Variants in MAPT observed in about 807,000 individuals in gnomAD.
MAPT encodes microtubule associated protein tau, also known as microtubule-associated protein tau.
A neutral mutation model predicts 67.9 loss-of-function variants in MAPT; 34 were observed. The ratio of observed to expected loss-of-function variants is 0.50; its 90% confidence interval spans 0.38 to 0.67. The LOEUF (loss-of-function observed/expected upper bound fraction) is 0.67, where lower values mean the gene tolerates loss of function less well. Ranked by LOEUF, MAPT falls within the 30% of genes least tolerant of loss-of-function variation. MAPT has a pLI of 0.00. For missense variants in MAPT, 881 were observed against 1,115.2 expected (o/e 0.79, Z 2.99); for synonymous variants, 456 against 464.5 (o/e 0.98, Z 0.23).
intron 2 of MAPT, among the ~76,000 whole-genome samples, chr17:45,969,660 CCATT>C (rs1194843441): frequency 7.2e-6 from 1 of 139,680 alleles, no homozygotes; most frequent in Non-Finnish European, 1.7e-5. Context: ...ATCCATCCAT[CCATT>C]CATCCATCCA....
intron 1 of MAPT, among the ~76,000 whole-genome samples, chr17:45,957,671 G>A (rs749630413): frequency 1.3e-5 from 2 of 152,224 alleles, no homozygotes; most frequent in Non-Finnish European, 2.9e-5. Flanking sequence ...AGACGTGGCC[G>A]TGGCAAGAAG....
chr17:45,999,224 G>T, intron 9 of MAPT: 1 of 1,561,116 alleles, frequency 6.4e-7, no homozygotes, highest in Non-Finnish European at 8.7e-7. Context: ...TCTTCTTAAA[G>T]CCCCTGTAAA....
chr17:45,927,676 T>G (rs1024928196), intron 1 of MAPT, among the ~76,000 whole-genome samples: 1 of 151,970 alleles, frequency 6.6e-6, no homozygotes, highest in Non-Finnish European at 1.5e-5. Flanking sequence ...CCACCCTAGC[T>G]CTCTTCTCCT....
intron 1 of MAPT, chr17:45,894,905 G>C (rs1398987004): frequency 1.3e-5 from 2 of 152,348 alleles, no homozygotes; most frequent in Non-Finnish European, 2.9e-5. Flanking sequence ...GAGTGCGCGC[G>C]TGTGTGTGTG....
intron 9 of MAPT, among the ~76,000 whole-genome samples, chr17:46,008,184 T>C (rs1208576051): frequency 3.3e-5 from 5 of 152,162 alleles, no homozygotes; most frequent in Non-Finnish European, 5.9e-5. Flanking sequence ...GCAACCTCCA[T>C]CTCCCGGGTT....
chr17:45,948,342 G>A (rs1368509492), intron 1 of MAPT, among the ~76,000 whole-genome samples: 1 of 152,086 alleles, frequency 6.6e-6, no homozygotes, highest in African/African-American at 2.4e-5. Flanking sequence ...CTCGCTCCCC[G>A]CTCCTGGAGT....
intron 4 of MAPT, among the ~76,000 whole-genome samples, chr17:45,981,395 G>A (rs1379865311): frequency 2.6e-5 from 4 of 152,190 alleles, no homozygotes; most frequent in Non-Finnish European, 2.9e-5. Context: ...TGAATGTCAC[G>A]TGAATGAACC....
chr17:45,983,126 G>T lies in MAPT; in HGVS notation c.547G>T (p.Glu183Ter). 2 of 1,576,432 alleles carry T rather than the reference G, an allele frequency of 1.3e-6. No homozygotes were observed. The highest frequency in any genetic ancestry group is 1.7e-6 in the Non-Finnish European group (2 of 1,159,936). ...GGGACAAAAAGGCGGGGACTGGGCC[G>T]AGAAGGGTCCGGCCTTTCCGAAGCC... is the stretch of plus-strand genomic sequence containing the variant. The part of the protein sequence containing the change: ...EWGQKGGDWA[E>*]KGPAFPKPAT... Residue 183 changes from glutamate to a stop codon, truncating the protein, a stop_gained, in exon 5 of 13, where the codon GAG (glutamate) becomes TAG (stop). Coordinates refer to ENST00000262410, the MANE Select transcript of MAPT (RefSeq NM_001377265.1). LOFTEE classifies it high-confidence loss of function.
chr17:45,987,914 G>C (rs1281801476), intron 6 of MAPT, among the ~76,000 whole-genome samples: 2 of 152,176 alleles, frequency 1.3e-5, no homozygotes, highest in Admixed American at 6.5e-5. Context: ...AGGGGGCAGG[G>C]AATACCAGCC....
At chr17:45,997,831 T>G (rs2074625577) in intron 9 of MAPT, among the ~76,000 whole-genome samples, 1 of 152,036 alleles carries the variant, frequency 6.6e-6, no homozygotes, top group Non-Finnish European at 1.5e-5. Context: ...ATTTTTCACT[T>G]AGTCACCTCT....
chr17:46,012,034 A>G (rs1263095048), intron 10 of MAPT, among the ~76,000 whole-genome samples: 1 of 151,028 alleles, frequency 6.6e-6, no homozygotes, highest in Non-Finnish European at 1.5e-5. Flanking sequence ...TGCCGCCCCC[A>G]CCCCTGCCCG....
chr17:45,978,479 G>T (rs929263920), intron 4 of MAPT, 39 bp downstream of exon 4: 4 of 1,520,832 alleles, frequency 2.6e-6, no homozygotes, highest in South Asian at 1.1e-5. Context: ...CTTGGGGGTT[G>T]GGGGGAGGGA....
chr17:45,914,750 T>A (rs2065057445), intron 1 of MAPT, among the ~76,000 whole-genome samples: 1 of 151,286 alleles, frequency 6.6e-6, no homozygotes. Context: ...AGACAGGGTC[T>A]CTCTCTGTTG....
intron 1 of MAPT, among the ~76,000 whole-genome samples, chr17:45,900,612 T>C (rs1221637034): frequency 1.3e-5 from 2 of 152,204 alleles, no homozygotes; most frequent in Non-Finnish European, 2.9e-5. Context: ...GCCAAGGCTA[T>C]TCAAGGAAGG....
intron 1 of MAPT, among the ~76,000 whole-genome samples, chr17:45,905,905 A>G (rs2064275354): frequency 6.6e-6 from 1 of 152,266 alleles, no homozygotes; most frequent in South Asian, 2.1e-4. Flanking sequence ...AGCCGCAGTC[A>G]GGTGCTGATC....
intron 9 of MAPT, among the ~76,000 whole-genome samples, chr17:46,002,503 C>T (rs1283311570): frequency 6.6e-6 from 1 of 151,666 alleles, no homozygotes; most frequent in Admixed American, 6.6e-5. Context: ...GGGAAGGGCC[C>T]AGGGGCCCAA....
At chr17:45,979,731 A>T (rs1010126460) in intron 4 of MAPT, 2 of 152,230 alleles carry the variant, frequency 1.3e-5, no homozygotes, top group African/African-American at 4.8e-5. Flanking sequence ...TTGATAAAGC[A>T]TGACCTCTAG....
rs1450992918 is a variant in MAPT at position 45,971,257 on chromosome 17, C to G, written c.134-602C>G. On this transcript the variant is annotated intron_variant, in intron 2 of 12. Transcript: ENST00000262410. This position sits in a 1 kb window ranked among gnomAD's most constrained non-coding sequence, Gnocchi z 4.3. ...GCCTCTCTTGCCCAGGCTTCCCATTCTGAAAGGACAGTTTTATTGTAGGTA... is the reference window on the plus strand; with the variant it reads ...GCCTCTCTTGCCCAGGCTTCCCATTGTGAAAGGACAGTTTTATTGTAGGTA... 6.6e-6 allele frequency among the ~76,000 whole-genome samples: 1 copy of G among 152,182 alleles called. No individual in the cohort carries two copies. Among genetic ancestry groups the G allele is most frequent in the Non-Finnish European group, 1.5e-5 (1 of 68,024 alleles).
intron 1 of MAPT, among the ~76,000 whole-genome samples, chr17:45,937,039 T>A (rs2067396761): frequency 6.6e-6 from 1 of 152,220 alleles, no homozygotes; most frequent in Non-Finnish European, 1.5e-5. Flanking sequence ...ACTCAGAGTC[T>A]GCAAATATGT....
Sources: allele counts gnomAD v4.1 joint callset (sites outside exome capture counted in the v4.1 genomes callset), GRCh38; gene constraint gnomAD v4.1.1; non-coding constraint Gnocchi (gnomAD v3.1); transcripts MANE v1.5; gene names NCBI Gene and HGNC (gene_info 2026-07-23, HGNC 2026-07-21).